The following LY96 variants were observed in gnomAD, a reference collection of about 807,000 sequenced individuals.
The protein encoded by LY96 is lymphocyte antigen 96.
In LY96, 18 loss-of-function variants were observed where a neutral mutation model predicts 18.9. The ratio of observed to expected loss-of-function variants is 0.95; its 90% confidence interval spans 0.66 to 1.41. LY96 has a LOEUF of 1.41. LY96 is among the 40% of genes most tolerant of loss of function. The probability of loss-of-function intolerance (pLI) is 0.00; values close to 1 mark genes in which losing one functional copy is unlikely to be tolerated. For missense variants in LY96, 175 were observed against 182.4 expected, an observed-to-expected ratio of 0.96 and a Z score of 0.23; for synonymous variants, 66 against 62.6, an observed-to-expected ratio of 1.06 and a Z score of -0.26.
At chr8:73,992,624 C>G (rs1039993858) in intron 1 of LY96, among the ~76,000 whole-genome samples, 2 of 152,114 alleles carry the variant, frequency 1.3e-5, no homozygotes, top group African/African-American at 2.4e-5. Context: ...ATAATTGCCA[C>G]ATGTGAGGAG....
chr8:74,059,864 G>A, the LY96 span, among the ~76,000 whole-genome samples: 5 of 152,256 alleles, frequency 3.3e-5, no homozygotes, highest in Non-Finnish European at 7.3e-5. Context: ...TTGCTTGGGC[G>A]CAGTGGCTCA....
chr8:74,069,448 T>C, the LY96 span, among the ~76,000 whole-genome samples: 12,285 of 152,220 alleles, frequency 0.081, 845 homozygotes, highest in African/African-American at 0.19. Context: ...GTTCCTGTGA[T>C]GGGCAGTGAT....
intron 2 of LY96, 98 bp from the exon 3 acceptor site, chr8:74,009,903 A>C (rs2131268105): frequency 2.4e-6 from 2 of 845,482 alleles, no homozygotes; most frequent in Non-Finnish European, 4.0e-6. Context: ...ATAATGTAAG[A>C]AAAGCACAGG....
chr8:73,999,305 G>C (rs1056787767), intron 1 of LY96, among the ~76,000 whole-genome samples: 8 of 151,916 alleles, frequency 5.3e-5, no homozygotes, highest in African/African-American at 1.9e-4. Context: ...TCAATCTGTT[G>C]CCCAGGATGG....
chr8:74,068,951 T>A, the LY96 span, among the ~76,000 whole-genome samples: 1 of 152,080 alleles, frequency 6.6e-6, no homozygotes, highest in Non-Finnish European at 1.5e-5. Flanking sequence ...CACACCACCA[T>A]GCCTGGCTAA....
chr8:74,042,704 A>G, the LY96 span, among the ~76,000 whole-genome samples: 2 of 152,256 alleles, frequency 1.3e-5, no homozygotes, highest in East Asian at 3.9e-4. Flanking sequence ...ACAGAGGTCT[A>G]GGTTCTAGTC....
intron 1 of LY96, among the ~76,000 whole-genome samples, chr8:73,993,006 C>A (rs1241687207): frequency 2.6e-5 from 4 of 151,738 alleles, no homozygotes; most frequent in Non-Finnish European, 5.9e-5. Context: ...AGGTGTGCGC[C>A]ACCACACCCG....
chr8:74,042,869 C>T, the LY96 span, among the ~76,000 whole-genome samples: 7 of 151,868 alleles, frequency 4.6e-5, no homozygotes, highest in African/African-American at 7.3e-5. Context: ...CTCCACTTCC[C>T]GTGTTCAAGA....
At chr8:74,046,214 G>T in the LY96 span, among the ~76,000 whole-genome samples, 4 of 152,172 alleles carry the variant, frequency 2.6e-5, no homozygotes, top group African/African-American at 9.7e-5. Context: ...GGGAGGCAGA[G>T]GTTGCAGTGA....
At chr8:74,017,790 C>A (rs866929823) in intron 3 of LY96, among the ~76,000 whole-genome samples, 76 of 152,050 alleles carry the variant, frequency 5.0e-4, no homozygotes, top group African/African-American at 1.7e-3. Flanking sequence ...AATTTCATAC[C>A]CAGCCAAACT....
At chr8:74,048,944 G>T in the LY96 span, among the ~76,000 whole-genome samples, 3 of 152,222 alleles carry the variant, frequency 2.0e-5, no homozygotes, top group African/African-American at 4.8e-5. Context: ...ACACTCAGCC[G>T]TAAGGGAGGC....
rs539499820 is a variant in LY96 at position 74,026,849 on chromosome 8, T to G, written c.384+8T>G. 4.2e-6 allele frequency: 6 copies of G among 1,412,654 alleles called. No individual in the cohort carries two copies. The highest frequency in any genetic ancestry group is 6.0e-6 in the Non-Finnish European group (6 of 998,454). The allele number at this position is 1,412,654 out of a possible 1,614,324, so 87.5% of individuals were successfully genotyped here. ...GGAATAAAATTTTCTAAGGTATTGT[T>G]CAAGATTTATTTTGTACTGTCTAAC... is the stretch of plus-strand genomic sequence containing the variant. On this transcript the variant is annotated splice_region_variant and intron_variant, in intron 4 of 4. Transcript: ENST00000284818.
intron 3 of LY96, among the ~76,000 whole-genome samples, chr8:74,015,488 A>G (rs1213873719): frequency 6.6e-6 from 1 of 151,880 alleles, no homozygotes; most frequent in Non-Finnish European, 1.5e-5. Flanking sequence ...CTTCCCTCCT[A>G]TGTTTGTCTA....
At chr8:74,045,823 C>A in the LY96 span, among the ~76,000 whole-genome samples, 26 of 152,266 alleles carry the variant, frequency 1.7e-4, no homozygotes, top group African/African-American at 5.5e-4. Context: ...AGGGAGGGAT[C>A]GCACTGCTAC....
At chr8:74,089,606 T>A in the LY96 span, among the ~76,000 whole-genome samples, 39 of 152,352 alleles carry the variant, frequency 2.6e-4, no homozygotes, top group African/African-American at 9.4e-4. Flanking sequence ...GGACAATGTT[T>A]GAGGCTCTGG....
At chr8:73,996,449 CAG>C (rs1816149187) in intron 1 of LY96, among the ~76,000 whole-genome samples, 1 of 124,642 alleles carries the variant, frequency 8.0e-6, no homozygotes, top group Non-Finnish European at 1.7e-5. Context: ...TTTTCTGAGA[CAG>C]AGTCTTGCTG....
chr8:74,039,573 C>T, the LY96 span, among the ~76,000 whole-genome samples: 78 of 152,106 alleles, frequency 5.1e-4, 2 homozygotes, highest in South Asian at 0.016. Flanking sequence ...ACAAGACAAG[C>T]GGGGCAGGGT....
chr8:74,027,282 T>A (rs1003382835), intron 4 of LY96, among the ~76,000 whole-genome samples: 11 of 151,206 alleles, frequency 7.3e-5, no homozygotes, highest in Non-Finnish European at 8.8e-5. Flanking sequence ...ATGTTCAGGG[T>A]TTTTTCTTTC....
intron 3 of LY96, among the ~76,000 whole-genome samples, chr8:74,016,059 A>G (rs2131274008): frequency 1.3e-5 from 2 of 152,324 alleles, no homozygotes; most frequent in Middle Eastern, 6.8e-3. Context: ...AGGGTGGGGC[A>G]TTGCCTCACC....
Sources: gnomAD v4.1 joint callset for allele counts (sites outside exome capture counted in the v4.1 genomes callset) on GRCh38, gnomAD v4.1.1 for gene constraint, MANE v1.5 for transcripts, NCBI Gene and HGNC (gene_info 2026-07-23, HGNC 2026-07-21) for gene names.